MIER1: variants seen among roughly 807,000 people sequenced by gnomAD.
MIER1 encodes MIER1 transcriptional regulator.
MIER1 carries 40 observed loss-of-function variants against 75.7 expected under a neutral mutation model. That is an observed-to-expected ratio of 0.53 (90% CI 0.41 to 0.69). The LOEUF (loss-of-function observed/expected upper bound fraction) is 0.69. Ranked by LOEUF, MIER1 falls within the 30% of genes least tolerant of loss-of-function variation. MIER1 has a pLI of 0.00. For synonymous variants in MIER1, 213 were observed against 223.4 expected (o/e 0.95, Z 0.42); for missense variants, 574 against 680.2 (o/e 0.84, Z 1.74).
intron 8 of MIER1, among the ~76,000 whole-genome samples, chr1:66,968,838 A>C (rs149042531): frequency 6.4e-4 from 98 of 152,322 alleles, no homozygotes; most frequent in African/African-American, 2.2e-3. Context: ...TTGTAGCATT[A>C]CTGGTAAGTA....
chr1:66,928,367 C>T (rs1203693241), intron 2 of MIER1, among the ~76,000 whole-genome samples: 1 of 152,150 alleles, frequency 6.6e-6, no homozygotes, highest in East Asian at 1.9e-4. Flanking sequence ...GGTAGTTTAA[C>T]TGAAGAATCA....
intron 10 of MIER1, among the ~76,000 whole-genome samples, chr1:66,972,029 T>C (rs1222341631): frequency 1.4e-5 from 2 of 146,466 alleles, no homozygotes; most frequent in Non-Finnish European, 3.1e-5. Context: ...ATAATTGCCC[T>C]ATGAACTAGG....
At chr1:66,979,841 T>G (rs1266833937) in intron 12 of MIER1, among the ~76,000 whole-genome samples, 1 of 151,864 alleles carries the variant, frequency 6.6e-6, no homozygotes, top group Non-Finnish European at 1.5e-5. Context: ...CTCGGCTCAC[T>G]GCAACCTCCA....
At chr1:66,981,947 C>A in intron 13 of MIER1, 29 bp downstream of exon 13, 1 of 1,610,136 alleles carries the variant, frequency 6.2e-7, no homozygotes, top group Non-Finnish European at 8.5e-7. Flanking sequence ...ATTTCTCTTT[C>A]TTCATAATAA....
At chr1:66,966,313 G>T (rs925505494) in intron 8 of MIER1, among the ~76,000 whole-genome samples, 2 of 152,160 alleles carry the variant, frequency 1.3e-5, no homozygotes, top group African/African-American at 4.8e-5. Context: ...GCGATAGTTT[G>T]CTGAGAATGA....
chr1:66,958,982 A>G lies in MIER1; in HGVS notation c.633A>G (p.Thr211=), dbSNP rs750538910. The G allele has an allele frequency of 6.2e-7, 1 of 1,611,620 alleles. No individual in the cohort carries two copies. Among genetic ancestry groups the G allele is most frequent in the Non-Finnish European group, 8.5e-7 (1 of 1,178,292 alleles). ...IRPRRCKYFD[T]NSEVEEESEE... is the part of the protein sequence containing the mutation. ...CACGTCGATGTAAATATTTTGATAC[A>G]AGTAAGTGTTACTGGTTGATAATAT... Residue 211 remains threonine (T), a splice_region_variant and synonymous_variant, in exon 6 of 14, where the codon ACA becomes ACG. Transcript: ENST00000401041.
intron 4 of MIER1, among the ~76,000 whole-genome samples, chr1:66,949,176 T>G (rs1486906892): frequency 6.6e-6 from 1 of 152,224 alleles, no homozygotes; most frequent in East Asian, 1.9e-4. Flanking sequence ...TAATAAAATC[T>G]TGTATTTTCT....
At position 66,946,967 on chromosome 1, in the gene MIER1, T is replaced by G. The variant is rs185563084; in HGVS notation, c.339+672T>G. ...ACTCAAGGTTTACATGTTGGCAGTT[T>G]GTGATTCTCAGTTTGGACCTTCTTT... On this transcript the variant is annotated intron_variant, in intron 4 of 13. Transcript: ENST00000401041. The G allele has an allele frequency of 8.2e-5, 81 of 985,494 alleles. No homozygotes were observed. In the East Asian group the frequency reaches 5.9e-3, roughly 72 times the overall value. The allele number at this position is 985,494 out of a possible 1,614,324, so 61.0% of individuals were successfully genotyped here. A position where few individuals can be genotyped will look rare whatever the true frequency, so the allele number is the denominator to read the frequency against.
At chr1:66,930,290 A>G in intron 2 of MIER1, 1 of 1,553,766 alleles carries the variant, frequency 6.4e-7, no homozygotes, top group Non-Finnish European at 8.7e-7. Context: ...GGAGCGGCAG[A>G]GACGGCAGCG....
chr1:66,925,282 A>G lies in MIER1; in HGVS notation c.67+187A>G, dbSNP rs1651267331. On this transcript the variant is annotated intron_variant, in intron 1 of 13. Coordinates refer to ENST00000401041, the MANE Select transcript of MIER1 (RefSeq NM_001077700.3). ...CTGGCTTGCTCTCCGCCGGCTGCCAAAGGCGCATGCGCAGCTTCCTCCCTC... is the reference window on the plus strand; with the variant it reads ...CTGGCTTGCTCTCCGCCGGCTGCCAGAGGCGCATGCGCAGCTTCCTCCCTC... The G allele has an allele frequency of 3.0e-6, 3 of 984,522 alleles. No individual in the cohort carries two copies. In the African/African-American group the frequency reaches 5.2e-5, roughly 17 times the overall value. The allele number at this position is 984,522 out of a possible 1,614,324, so 61.0% of individuals were successfully genotyped here. A position where few individuals can be genotyped will look rare whatever the true frequency, so the allele number is the denominator to read the frequency against.
At chr1:66,932,872 A>G (rs1323863471) in intron 2 of MIER1, 1 of 152,148 alleles carries the variant, frequency 6.6e-6, no homozygotes, top group African/African-American at 2.4e-5. Flanking sequence ...TGCTTCCTAC[A>G]AGAGCATGAC....
intron 8 of MIER1, among the ~76,000 whole-genome samples, chr1:66,969,445 TGAGGCAGGA>T (rs1663116702): frequency 6.8e-6 from 1 of 147,174 alleles, no homozygotes; most frequent in Non-Finnish European, 1.5e-5. Flanking sequence ...CTCTGGAGGC[TGAGGCAGGA>T]GAATTGCTTG....
intron 2 of MIER1, among the ~76,000 whole-genome samples, chr1:66,927,398 T>G (rs1652088801): frequency 6.6e-6 from 1 of 152,072 alleles, no homozygotes; most frequent in South Asian, 2.1e-4. Context: ...TATACACAAT[T>G]CCAACAGAAC....
chr1:66,969,055 G>C (rs1663014978), intron 8 of MIER1, among the ~76,000 whole-genome samples: 1 of 152,126 alleles, frequency 6.6e-6, no homozygotes, highest in African/African-American at 2.4e-5. Flanking sequence ...TATCATGGTA[G>C]TTTTATTGTA....
intron 6 of MIER1, 67 bp from the exon 7 acceptor site, chr1:66,959,610 TAA>T: frequency 1.3e-6 from 1 of 763,700 alleles, no homozygotes; most frequent in Non-Finnish European, 2.1e-6. Flanking sequence ...ATGGTAGATG[TAA>T]AAATAATATG....
At chr1:66,975,573 T>C (rs1394665664) in intron 11 of MIER1, among the ~76,000 whole-genome samples, 1 of 152,012 alleles carries the variant, frequency 6.6e-6, no homozygotes, top group Non-Finnish European at 1.5e-5. Context: ...ATTTTATTTA[T>C]ATACATCAGC....
chr1:66,984,580 T>C lies in MIER1; in HGVS notation c.1378T>C (p.Ser460Pro), dbSNP rs189050888. 4,400 of 1,588,110 alleles carry C rather than the reference T, an allele frequency of 2.8e-3. 7 individuals are homozygous for C. The highest frequency in any genetic ancestry group is 3.5e-3 in the Non-Finnish European group (4,145 of 1,170,732). ...TATTTCTTTCAACTTAGGAGTGTCA[T>C]CTAATGGACCAGGTGAAATATTAAA... ...VSTANQNGVS[S>P]NGPGEILNKE... is the part of the protein sequence containing the mutation. The change falls in exon 14 of 14, where the codon TCT becomes CCT. Residue 460 changes from serine to proline, a missense_variant. This residue lies in a region of MIER1 where 164 missense variants were observed against 154.3 expected (regional missense o/e 1.06). Coordinates refer to ENST00000401041, the MANE Select transcript of MIER1 (RefSeq NM_001077700.3).
intron 3 of MIER1, chr1:66,940,274 T>A (rs538296541): frequency 2.1e-5 from 5 of 236,806 alleles, no homozygotes; most frequent in Admixed American, 6.0e-5. Context: ...GGTTTTCTTT[T>A]TTTTTTTTTT....
intron 3 of MIER1, among the ~76,000 whole-genome samples, chr1:66,940,724 AT>A (rs1656016974): frequency 1.3e-5 from 2 of 152,224 alleles, no homozygotes; most frequent in South Asian, 4.1e-4. Flanking sequence ...AATATTTTAT[AT>A]ATGAAATCTG....
Sources: gnomAD v4.1 joint callset for allele counts (sites outside exome capture counted in the v4.1 genomes callset) on GRCh38, gnomAD v4.1.1 for gene constraint, gnomAD v4.1.1 regional missense constraint, MANE v1.5 for transcripts, NCBI Gene and HGNC (gene_info 2026-07-23, HGNC 2026-07-21) for gene names.